POC1A: variants seen among roughly 807,000 people sequenced by gnomAD.
POC1A encodes the protein POC1 centriolar protein A.
POC1A carries 34 observed loss-of-function variants against 47.8 expected under a neutral mutation model. The observed-to-expected ratio is 0.71, with a 90% CI of 0.54 to 0.95. POC1A has a LOEUF of 0.95. Among genes scored for constraint, POC1A ranks in the 40% least tolerant of loss-of-function variants. The pLI is 0.00. For missense variants in POC1A, 466 were observed against 528.3 expected (o/e 0.88, Z 1.16); for synonymous variants, 177 against 207.6 (o/e 0.85, Z 1.27).
intron 8 of POC1A, among the ~76,000 whole-genome samples, chr3:52,124,170 G>A (rs1022649122): frequency 1.3e-5 from 2 of 152,172 alleles, no homozygotes; most frequent in East Asian, 1.9e-4. Flanking sequence ...AAACATTCTC[G>A]GCCATCCATC....
intron 7 of POC1A, among the ~76,000 whole-genome samples, chr3:52,137,511 C>T (rs1053964008): frequency 6.6e-4 from 100 of 152,240 alleles, no homozygotes; most frequent in Non-Finnish European, 4.1e-4. Flanking sequence ...ATCAGGAGGG[C>T]TCGGACACTA....
chr3:52,127,493 C>T (rs1274342174), intron 7 of POC1A, among the ~76,000 whole-genome samples: 2 of 151,676 alleles, frequency 1.3e-5, no homozygotes, highest in South Asian at 2.1e-4. Context: ...TGGGTTCACG[C>T]CATTCTCCTG....
intron 7 of POC1A, 59 bp from the exon 8 acceptor site, chr3:52,125,240 A>G: frequency 7.3e-7 from 1 of 1,370,906 alleles, no homozygotes; most frequent in Non-Finnish European, 1.0e-6. Flanking sequence ...CTAAATGCAC[A>G]GGAAGAAAAC....
At chr3:52,146,954 G>T in intron 5 of POC1A, 34 bp downstream of exon 5, 2 of 1,540,416 alleles carry the variant, frequency 1.3e-6, no homozygotes, top group East Asian at 4.5e-5. Context: ...GTGCTTGAGC[G>T]CCTACAGGTG....
intron 9 of POC1A, among the ~76,000 whole-genome samples, chr3:52,117,657 A>T (rs376335321): frequency 6.6e-6 from 1 of 152,076 alleles, no homozygotes; most frequent in African/African-American, 2.4e-5. Context: ...TAATGTGTGA[A>T]CCGGACAGCA....
chr3:52,100,709 C>G (rs892798120), intron 9 of POC1A, among the ~76,000 whole-genome samples: 1 of 152,048 alleles, frequency 6.6e-6, no homozygotes, highest in Non-Finnish European at 1.5e-5. Context: ...AGAGCTTGCA[C>G]CCATGCACAG....
rs116679649 is a variant in POC1A at position 52,090,073 on chromosome 3, C to T, written c.1125+6496G>A. Among the ~76,000 whole-genome samples, 1,055 of 152,254 alleles carry T rather than the reference C, an allele frequency of 6.9e-3. 15 individuals are homozygous for T. Among genetic ancestry groups the T allele is most frequent in the African/African-American group, 0.024 (1,005 of 41,532 alleles). On this transcript the variant is annotated intron_variant, in intron 10 of 10. Transcript: ENST00000296484. The surrounding 1 kb of genome is among the most constrained non-coding windows in gnomAD (Gnocchi z 4.2). ...GCCTTGTTGAGTTAGGACAGCAAAA[C>T]GCAATGACTTGAACACTTAACAAAA...
intron 10 of POC1A, among the ~76,000 whole-genome samples, chr3:52,086,585 A>T (rs1702463442): frequency 6.6e-6 from 1 of 152,210 alleles, no homozygotes; most frequent in African/African-American, 2.4e-5. Flanking sequence ...CACACGCAGG[A>T]CCCTGACTTG....
intron 10 of POC1A, among the ~76,000 whole-genome samples, chr3:52,095,622 G>T (rs1702789773): frequency 6.6e-6 from 1 of 152,086 alleles, no homozygotes; most frequent in African/African-American, 2.4e-5. Context: ...GGTAGAGGAG[G>T]ATCTGCAGAG....
chr3:52,136,521 A>T (rs182298398), intron 7 of POC1A, among the ~76,000 whole-genome samples: 1 of 152,338 alleles, frequency 6.6e-6, no homozygotes, highest in Admixed American at 6.5e-5. Flanking sequence ...AGAGCCGATG[A>T]TGAATGAACA....
chr3:52,088,118 G>A (rs1702522319), intron 10 of POC1A, among the ~76,000 whole-genome samples: 1 of 152,144 alleles, frequency 6.6e-6, no homozygotes, highest in South Asian at 2.1e-4. Context: ...ATCATCCTAA[G>A]CCAGACATCT....
intron 7 of POC1A, among the ~76,000 whole-genome samples, chr3:52,130,504 C>T (rs1704173361): frequency 6.6e-6 from 1 of 152,240 alleles, no homozygotes; most frequent in Non-Finnish European, 1.5e-5. Flanking sequence ...AAGACACCTG[C>T]TCCCAGCCCT....
Position 52,152,165 on chromosome 3 carries a change from C to T in POC1A, c.19-1065G>A, listed in dbSNP as rs977088464. 2.0e-5 allele frequency among the ~76,000 whole-genome samples: 3 copies of T among 152,220 alleles called. No homozygotes were observed. The South Asian group carries it at 6.2e-4, about 32-fold the overall frequency. On this transcript the variant is annotated intron_variant, in intron 1 of 10. Transcript: ENST00000296484. ...TGGCTCATGCCTGTATTCTCAGCTA[C>T]TCAGGAGGGTGAGGTGGGAGGACTG...
At chr3:52,137,285 T>C (rs1704510318) in intron 7 of POC1A, among the ~76,000 whole-genome samples, 1 of 151,558 alleles carries the variant, frequency 6.6e-6, no homozygotes. Flanking sequence ...GTACCCTAAC[T>C]CAGATGGCAG....
At chr3:52,145,799 G>T (rs1219431544) in intron 6 of POC1A, 47 bp downstream of exon 6, 2 of 1,237,518 alleles carry the variant, frequency 1.6e-6, no homozygotes, top group Non-Finnish European at 1.2e-6. Flanking sequence ...CACCATCACA[G>T]TCCCACCAGG....
At chr3:52,100,799 T>C (rs2106992411) in intron 9 of POC1A, among the ~76,000 whole-genome samples, 1 of 152,182 alleles carries the variant, frequency 6.6e-6, no homozygotes, top group African/African-American at 2.4e-5. Context: ...AAAACCGTTC[T>C]TGGAGGTGCA....
At chr3:52,112,777 T>C (rs771816519) in intron 9 of POC1A, among the ~76,000 whole-genome samples, 69 of 152,316 alleles carry the variant, frequency 4.5e-4, no homozygotes, top group Middle Eastern at 3.4e-3. Context: ...TCCCAAGCTG[T>C]ACCCACGACG....
At position 52,102,662 on chromosome 3, in the gene POC1A, A is replaced by T. The variant is rs531640364; in HGVS notation, c.982-5950T>A. Among the ~76,000 whole-genome samples the T allele has an allele frequency of 3.5e-4, 54 of 152,370 alleles. 1 individual carries two copies. The highest frequency in any genetic ancestry group is 3.1e-3 in the Admixed American group (47 of 15,304). On this transcript the variant is annotated intron_variant, in intron 9 of 10. Coordinates refer to ENST00000296484, the MANE Select transcript of POC1A (RefSeq NM_015426.5). ...AGACATATCTTTCAGGGAGGCTCCCATTCAACACACTACAAAATGCTTTAG... is the reference window on the plus strand; with the variant it reads ...AGACATATCTTTCAGGGAGGCTCCCTTTCAACACACTACAAAATGCTTTAG...
intron 7 of POC1A, among the ~76,000 whole-genome samples, chr3:52,132,363 T>C (rs540748491): frequency 7.4e-4 from 112 of 152,286 alleles, no homozygotes; most frequent in Non-Finnish European, 1.1e-3. Flanking sequence ...TGTTTGTTCC[T>C]AAAAATACTG....
Sources: allele counts gnomAD v4.1 joint callset (sites outside exome capture counted in the v4.1 genomes callset), GRCh38; gene constraint gnomAD v4.1.1; non-coding constraint Gnocchi (gnomAD v3.1); transcripts MANE v1.5; gene names NCBI Gene and HGNC (gene_info 2026-07-23, HGNC 2026-07-21).